The following PLCB1 variants were observed in gnomAD, a reference collection of about 807,000 sequenced individuals.
PLCB1 encodes 1-phosphatidylinositol 4,5-bisphosphate phosphodiesterase beta-1.
PLCB1 carries 46 observed loss-of-function variants against 161.8 expected under a neutral mutation model. The ratio of observed to expected loss-of-function variants is 0.28; its 90% CI spans 0.22 to 0.36. The LOEUF (loss-of-function observed/expected upper bound fraction) is 0.36, where lower values mean the gene tolerates loss of function less well. Among genes scored for constraint, PLCB1 ranks in the 10% least tolerant of loss-of-function variants. The pLI is 1.00. For missense variants in PLCB1, 1,016 were observed against 1,472.5 expected (o/e 0.69, Z 5.07); for synonymous variants, 517 against 503.7 (o/e 1.03, Z -0.35).
At chr20:8,549,386 A>T (rs758301028) in intron 3 of PLCB1, among the ~76,000 whole-genome samples, 1 of 152,086 alleles carries the variant, frequency 6.6e-6, no homozygotes, top group African/African-American at 2.4e-5. Context: ...TGGCTAAGGG[A>T]CTGCACAGTG....
intron 2 of PLCB1, among the ~76,000 whole-genome samples, chr20:8,205,443 A>G (rs920025478): frequency 6.6e-6 from 1 of 152,210 alleles, no homozygotes; most frequent in Admixed American, 6.5e-5. Flanking sequence ...AAATTTGTCC[A>G]TACTATACTA....
intron 3 of PLCB1, among the ~76,000 whole-genome samples, chr20:8,502,135 T>C (rs972097990): frequency 6.6e-6 from 1 of 151,992 alleles, no homozygotes; most frequent in Non-Finnish European, 1.5e-5. Context: ...ACTATTGCAT[T>C]AGATTTTATT....
chr20:8,419,297 T>C (rs1327511192), intron 3 of PLCB1, among the ~76,000 whole-genome samples: 1 of 152,202 alleles, frequency 6.6e-6, no homozygotes, highest in Non-Finnish European at 1.5e-5. Context: ...ATAGTCTTTT[T>C]ACTGACTCTG....
rs572612844 is a variant in PLCB1, at chr20:8,655,373, A to G, written c.595-1811A>G. On this transcript the variant is annotated intron_variant, in intron 7 of 31. Coordinates refer to ENST00000338037, the MANE Select transcript of PLCB1 (RefSeq NM_015192.4). Reference sequence around the variant, plus strand: ...TATGTGGCACACTGGAAATAGAGCCATTAACAGACAAGACACATATCCTAG... The same window carrying G: ...TATGTGGCACACTGGAAATAGAGCCGTTAACAGACAAGACACATATCCTAG... Among the ~76,000 whole-genome samples the G allele has an allele frequency of 5.3e-5, 8 of 152,264 alleles. No individual in the cohort carries two copies. The South Asian group carries it at 1.7e-3, about 32-fold the overall frequency.
intron 31 of PLCB1, among the ~76,000 whole-genome samples, chr20:8,829,812 G>T (rs549602115): frequency 2.0e-4 from 30 of 152,334 alleles, no homozygotes; most frequent in Admixed American, 1.2e-3. Context: ...AAATTTGCCT[G>T]ACTGAAAGGA....
At chr20:8,736,655 G>A (rs893248657) in intron 19 of PLCB1, among the ~76,000 whole-genome samples, 1 of 152,166 alleles carries the variant, frequency 6.6e-6, no homozygotes, top group Admixed American at 6.6e-5. Flanking sequence ...GGGAAGCAAA[G>A]CACACCTCAC....
In PLCB1 at chr20:8,174,904, T is replaced by G. The variant is rs143638856; in HGVS notation, c.177+24533T>G. Among the ~76,000 whole-genome samples, 145 of 151,636 alleles carry G rather than the reference T, an allele frequency of 9.6e-4. 2 individuals are homozygous for G. In the East Asian group the frequency reaches 0.024, roughly 25 times the overall value. On this transcript the variant is annotated intron_variant, in intron 2 of 31. Coordinates refer to ENST00000338037, the MANE Select transcript of PLCB1 (RefSeq NM_015192.4). ...CCCTACAAAAAGTTAAAAATAAAAA[T>G]AATAAAATAAATAAAAAAGATGGGT...
At chr20:8,244,019 T>C (rs946308963) in intron 2 of PLCB1, among the ~76,000 whole-genome samples, 1 of 151,970 alleles carries the variant, frequency 6.6e-6, no homozygotes, top group Non-Finnish European at 1.5e-5. Flanking sequence ...TGAAAATTAA[T>C]ATAACAAAGT....
intron 10 of PLCB1, among the ~76,000 whole-genome samples, chr20:8,696,979 C>A (rs911174527): frequency 6.6e-6 from 1 of 152,156 alleles, no homozygotes; most frequent in African/African-American, 2.4e-5. Flanking sequence ...GTGATCCGCT[C>A]GCCTCAGCCT....
At chr20:8,428,243 CAG>C (rs970884586) in intron 3 of PLCB1, among the ~76,000 whole-genome samples, 2 of 150,920 alleles carry the variant, frequency 1.3e-5, no homozygotes, top group Non-Finnish European at 2.9e-5. Flanking sequence ...TTTTCTGTGA[CAG>C]AGTCTCACTC....
chr20:8,382,999 T>C (rs551833590), intron 3 of PLCB1, among the ~76,000 whole-genome samples: 1 of 152,336 alleles, frequency 6.6e-6, no homozygotes, highest in South Asian at 2.1e-4. Flanking sequence ...CTGAGAAGAA[T>C]GTATATTCTG....
intron 3 of PLCB1, among the ~76,000 whole-genome samples, chr20:8,441,697 T>G (rs922178428): frequency 2.0e-5 from 3 of 152,106 alleles, no homozygotes; most frequent in Non-Finnish European, 4.4e-5. Context: ...CTCTCAGATA[T>G]TGATCACTCT....
intron 31 of PLCB1, among the ~76,000 whole-genome samples, chr20:8,814,980 G>A (rs1985015153): frequency 6.6e-6 from 1 of 152,152 alleles, no homozygotes; most frequent in East Asian, 1.9e-4. Flanking sequence ...ACTTGATTGT[G>A]TCTTGCTGCA....
intron 3 of PLCB1, among the ~76,000 whole-genome samples, chr20:8,401,743 C>A (rs1188433883): frequency 6.6e-6 from 1 of 152,148 alleles, no homozygotes; most frequent in South Asian, 2.1e-4. Context: ...GCTAGAGAAT[C>A]AAAGAGGATT....
At chr20:8,468,467 T>C (rs1981911594) in intron 3 of PLCB1, among the ~76,000 whole-genome samples, 1 of 152,190 alleles carries the variant, frequency 6.6e-6, no homozygotes, top group African/African-American at 2.4e-5. Context: ...TTTCCTCATC[T>C]GTAAAATGGA....
intron 3 of PLCB1, among the ~76,000 whole-genome samples, chr20:8,511,413 CATTG>C (rs1333986958): frequency 3.9e-5 from 6 of 152,000 alleles, no homozygotes; most frequent in Non-Finnish European, 5.9e-5. Flanking sequence ...TTTCTTCATC[CATTG>C]ATTAACTGAT....
chr20:8,519,223 G>A (rs774013952), intron 3 of PLCB1, among the ~76,000 whole-genome samples: 4 of 152,050 alleles, frequency 2.6e-5, no homozygotes, highest in South Asian at 2.1e-4. Context: ...TTGCTTTCTC[G>A]GTAGCTTACA....
At chr20:8,196,959 G>A (rs1471287995) in intron 2 of PLCB1, among the ~76,000 whole-genome samples, 2 of 151,826 alleles carry the variant, frequency 1.3e-5, no homozygotes, top group Admixed American at 6.6e-5. Flanking sequence ...GAGAATGATG[G>A]TTTCCAGCTT....
chr20:8,253,851 T>G (rs1406138497), intron 2 of PLCB1, among the ~76,000 whole-genome samples: 2 of 152,008 alleles, frequency 1.3e-5, no homozygotes, highest in Non-Finnish European at 2.9e-5. Context: ...AGTTCCCACT[T>G]ATAAGCGAGA....
Sources: gnomAD v4.1 joint callset for allele counts (sites outside exome capture counted in the v4.1 genomes callset) on GRCh38, gnomAD v4.1.1 for gene constraint, MANE v1.5 for transcripts, NCBI Gene and HGNC (gene_info 2026-07-23, HGNC 2026-07-21) for gene names.